Variants in SKIC3 observed in about 807,000 individuals in gnomAD.
SKIC3 encodes the protein superkiller complex protein 3.
the SKIC3 span, chr5:95,529,969 A>T: frequency 2.5e-6 from 3 of 1,182,886 alleles, no homozygotes; most frequent in African/African-American, 4.5e-5. Context: ...CAAGGTATGC[A>T]GGTACATTTT....
the SKIC3 span, among the ~76,000 whole-genome samples, chr5:95,517,521 G>A: frequency 2.4e-4 from 37 of 152,128 alleles, 1 homozygote; most frequent in Admixed American, 2.4e-3. Context: ...ATTACTTTAA[G>A]TGCCAGAAAT....
chr5:95,515,149 A>T, the SKIC3 span: 2 of 453,740 alleles, frequency 4.4e-6, no homozygotes, highest in Non-Finnish European at 8.2e-6. Flanking sequence ...GGAGTTCTGA[A>T]CCCTAGCAAA....
chr5:95,490,933 T>C, the SKIC3 span: 57 of 1,614,046 alleles, frequency 3.5e-5, no homozygotes, highest in Non-Finnish European at 4.5e-5. Context: ...CAGATAACAG[T>C]GCCAAGTATA....
the SKIC3 span, among the ~76,000 whole-genome samples, chr5:95,544,043 C>G: frequency 1.3e-5 from 2 of 152,156 alleles, no homozygotes; most frequent in Non-Finnish European, 2.9e-5. Flanking sequence ...AAAATAAGAA[C>G]ATTTCCATGA....
chr5:95,537,971 C>A, the SKIC3 span, among the ~76,000 whole-genome samples: 1 of 152,068 alleles, frequency 6.6e-6, no homozygotes, highest in Non-Finnish European at 1.5e-5. Context: ...TCAAAACAGT[C>A]TAGCATAAAA....
chr5:95,521,929 TG>T, the SKIC3 span: 1 of 1,202,582 alleles, frequency 8.3e-7, no homozygotes, highest in Non-Finnish European at 1.2e-6. Context: ...GAGGTTCATA[TG>T]GATGCTTGCT....
At chr5:95,505,940 A>C in the SKIC3 span, among the ~76,000 whole-genome samples, 1 of 152,314 alleles carries the variant, frequency 6.6e-6, no homozygotes. Context: ...CATACATTTC[A>C]TAATAAAAGT....
At chr5:95,506,562 G>A in the SKIC3 span, among the ~76,000 whole-genome samples, 1 of 152,116 alleles carries the variant, frequency 6.6e-6, no homozygotes, top group Non-Finnish European at 1.5e-5. Flanking sequence ...CAATTTTTGT[G>A]TACTGTTTCA....
At chr5:95,490,504 A>T in the SKIC3 span, among the ~76,000 whole-genome samples, 78,840 of 144,164 alleles carry the variant, frequency 0.55, 22,542 homozygotes, top group East Asian at 0.81. Context: ...ATATATATAT[A>T]TTTTTTTTTT....
chr5:95,539,514 C>T, the SKIC3 span, among the ~76,000 whole-genome samples: 3 of 152,088 alleles, frequency 2.0e-5, no homozygotes, highest in East Asian at 5.8e-4. Flanking sequence ...TAAACTAGTA[C>T]AACCATTATG....
the SKIC3 span, among the ~76,000 whole-genome samples, chr5:95,483,619 T>C: frequency 1.3e-5 from 2 of 152,210 alleles, no homozygotes; most frequent in African/African-American, 4.8e-5. Flanking sequence ...CTGTAAAATG[T>C]ATACTGATCT....
the SKIC3 span, among the ~76,000 whole-genome samples, chr5:95,508,356 A>G: frequency 6.6e-6 from 1 of 152,148 alleles, no homozygotes; most frequent in Admixed American, 6.5e-5. Flanking sequence ...TTTTCTTATC[A>G]CCTATCCATT....
the SKIC3 span, chr5:95,512,899 T>C: frequency 1.1e-5 from 4 of 380,722 alleles, no homozygotes; most frequent in South Asian, 3.0e-5. Flanking sequence ...CTCAGCACCA[T>C]TGCCAAAGGT....
chr5:95,521,889 A>C, the SKIC3 span, among the ~76,000 whole-genome samples: 1 of 152,112 alleles, frequency 6.6e-6, no homozygotes, highest in East Asian at 1.9e-4. Context: ...TGATCTTTTT[A>C]TATTCAAATT....
At chr5:95,503,860 A>G in the SKIC3 span, 4 of 1,614,006 alleles carry the variant, frequency 2.5e-6, no homozygotes, top group South Asian at 4.4e-5. Context: ...AAGCCAATGC[A>G]AAACCTATGA....
the SKIC3 span, among the ~76,000 whole-genome samples, chr5:95,547,816 A>G: frequency 2.6e-5 from 4 of 152,132 alleles, no homozygotes; most frequent in Admixed American, 6.5e-5. Flanking sequence ...CTGTGATATG[A>G]AAGTTTAAGA....
At chr5:95,494,645 A>C in the SKIC3 span, 2 of 1,596,390 alleles carry the variant, frequency 1.3e-6, no homozygotes, top group South Asian at 2.2e-5. Context: ...TTAGAAAAAA[A>C]AAGAATTGGA....
the SKIC3 span, among the ~76,000 whole-genome samples, chr5:95,488,309 C>T: frequency 6.6e-6 from 1 of 152,062 alleles, no homozygotes; most frequent in Non-Finnish European, 1.5e-5. Context: ...GAGATTTAGA[C>T]ATCTGAAAAC....
At chr5:95,494,830 T>A in the SKIC3 span, 1 of 1,609,202 alleles carries the variant, frequency 6.2e-7, no homozygotes, top group Non-Finnish European at 8.5e-7. Context: ...ATTTTCCTGA[T>A]AGCTCCCTCT....
Sources: allele counts gnomAD v4.1 joint callset (sites outside exome capture counted in the v4.1 genomes callset), GRCh38; gene constraint gnomAD v4.1.1; transcripts MANE v1.5; gene names NCBI Gene and HGNC (gene_info 2026-07-23, HGNC 2026-07-21).